The following MYOF variants were observed in gnomAD, a reference collection of about 807,000 sequenced individuals.
MYOF encodes fer-1-like 3, myoferlin.
A neutral mutation model predicts 284.2 loss-of-function variants in MYOF; 244 were observed. The ratio of observed to expected loss-of-function variants is 0.86; its 90% CI spans 0.77 to 0.95. MYOF has a LOEUF of 0.95. Among genes scored for constraint, MYOF ranks in the 40% least tolerant of loss-of-function variants. The pLI is 0.00. For missense variants in MYOF, 2,496 were observed against 2,560.6 expected, an observed-to-expected ratio of 0.97 and a Z score of 0.54; for synonymous variants, 904 against 919.7, an observed-to-expected ratio of 0.98 and a Z score of 0.31.
Position 93,325,907 on chromosome 10 carries a change from G to C in MYOF, c.5190C>G (p.His1730Gln). 1 of 1,614,122 alleles carries C rather than the reference G, an allele frequency of 6.2e-7. No homozygotes were observed. The highest frequency in any genetic ancestry group is 8.5e-7 in the Non-Finnish European group (1 of 1,180,008). The change falls in exon 46 of 54, where the codon CAC (histidine) becomes CAG (glutamine). Residue 1730 changes from histidine to glutamine, a missense_variant. Around this residue, in one of 3 missense-constraint regions of MYOF, gnomAD observed 2,436 missense variants for 2,480.7 expected, o/e 0.98. Transcript: ENST00000359263. Reference protein sequence around the residue: ...LGAPEERLALHILRTQGLVPE... With the variant: ...LGAPEERLALQILRTQGLVPE... ...GGACCAGCCCCTGAGTCCTGAGGAT[G>C]TGAAGAGCAAGCCGCTCTTCAGGGG... is the stretch of plus-strand genomic sequence containing the variant.
At chr10:93,437,091 A>G (rs968078386) in intron 3 of MYOF, among the ~76,000 whole-genome samples, 5 of 152,218 alleles carry the variant, frequency 3.3e-5, no homozygotes, top group South Asian at 4.1e-4. Context: ...TTTGTCTTTC[A>G]GCCCACGAAT....
In MYOF at chr10:93,408,784, T is replaced by C; in HGVS notation, c.729+3A>G. On this transcript the variant is annotated splice_donor_region_variant and intron_variant, in intron 7 of 53. Transcript: ENST00000359263. ...CAGAAACATGCCCTCTCAACCCCTT[T>C]ACCTCATCAAAAAAAGGGTTGTTTC... The C allele has an allele frequency of 1.2e-6, 2 of 1,614,118 alleles. No homozygotes were observed. Among genetic ancestry groups the C allele is most frequent in the Non-Finnish European group, 1.7e-6 (2 of 1,180,008 alleles).
intron 16 of MYOF, among the ~76,000 whole-genome samples, chr10:93,394,367 G>A (rs1035287754): frequency 9.0e-5 from 13 of 145,040 alleles, no homozygotes; most frequent in African/African-American, 2.2e-4. Flanking sequence ...CTCCCAAAGT[G>A]CTGGGATTAC....
intron 24 of MYOF, among the ~76,000 whole-genome samples, chr10:93,370,004 C>A (rs112697974): frequency 3.3e-5 from 5 of 152,284 alleles, no homozygotes; most frequent in African/African-American, 7.2e-5. Flanking sequence ...TCCCTGAGAC[C>A]TTTTCAGGAG....
chr10:93,387,940 C>A, intron 18 of MYOF, 27 bp from the exon 19 acceptor site: 1 of 1,541,426 alleles, frequency 6.5e-7, no homozygotes, highest in Non-Finnish European at 9.0e-7. Context: ...CAGGATTATT[C>A]CTCTAGGCAG....
intron 4 of MYOF, among the ~76,000 whole-genome samples, chr10:93,429,123 C>T (rs543102830): frequency 6.6e-6 from 1 of 152,288 alleles, no homozygotes; most frequent in Admixed American, 6.5e-5. Flanking sequence ...GGCTTGGTGC[C>T]ATTCTTGCAG....
intron 3 of MYOF, among the ~76,000 whole-genome samples, chr10:93,440,527 C>T (rs2056217236): frequency 6.6e-6 from 1 of 152,208 alleles, no homozygotes; most frequent in South Asian, 2.1e-4. Context: ...CTTCGTATCA[C>T]TTATCACCAT....
At chr10:93,410,614 C>T (rs748514141) in intron 5 of MYOF, among the ~76,000 whole-genome samples, 10 of 152,182 alleles carry the variant, frequency 6.6e-5, no homozygotes, top group African/African-American at 1.2e-4. Flanking sequence ...TACTACCTCT[C>T]CTCTTTCTTT....
chr10:93,372,620 G>A (rs1845643838), intron 24 of MYOF, among the ~76,000 whole-genome samples: 1 of 152,160 alleles, frequency 6.6e-6, no homozygotes, highest in African/African-American at 2.4e-5. Context: ...TAGAATGAAA[G>A]GAAGAAAGGC....
At chr10:93,358,391 C>T (rs958961557) in intron 29 of MYOF, among the ~76,000 whole-genome samples, 2 of 152,118 alleles carry the variant, frequency 1.3e-5, no homozygotes. Context: ...GACAGTGTGG[C>T]GATTCTTCAA....
chr10:93,316,521 A>G (rs1285686642), intron 50 of MYOF, among the ~76,000 whole-genome samples, 193 bp downstream of exon 50: 1 of 152,082 alleles, frequency 6.6e-6, no homozygotes, highest in Admixed American at 6.5e-5. Flanking sequence ...AGAGCCCTTG[A>G]AAAGGGATGG....
intron 1 of MYOF, among the ~76,000 whole-genome samples, chr10:93,459,014 C>T (rs182750060): frequency 1.1e-4 from 17 of 152,378 alleles, no homozygotes; most frequent in Non-Finnish European, 1.9e-4. Flanking sequence ...AACTTTTCCA[C>T]TTGAGAGGGC....
At chr10:93,427,462 C>T (rs1455984672) in intron 4 of MYOF, among the ~76,000 whole-genome samples, 2 of 135,774 alleles carry the variant, frequency 1.5e-5, no homozygotes, top group African/African-American at 2.8e-5. Flanking sequence ...ACTCGGGAGG[C>T]GGAGGTTGCA....
intron 48 of MYOF, 51 bp from the exon 49 acceptor site, chr10:93,320,064 T>C (rs371733460): frequency 5.0e-6 from 8 of 1,605,570 alleles, no homozygotes; most frequent in Non-Finnish European, 6.0e-6. Context: ...ACAAGTCATG[T>C]AGCCGCAAAA....
In MYOF at chr10:93,401,123, C is replaced by T. The variant is rs145210529; in HGVS notation, c.1117+295G>A. Among the ~76,000 whole-genome samples the T allele has an allele frequency of 2.9e-3, 439 of 152,198 alleles. 1 individual carries two copies. Among genetic ancestry groups the T allele is most frequent in the Middle Eastern group, 6.8e-3 (2 of 294 alleles). ...AAAGGGGTTGGAAGTGCTGACTGCT[C>T]ATATCTCTTTAGCATCCTCTAGAAT... is the stretch of plus-strand genomic sequence containing the variant. On this transcript the variant is annotated intron_variant, in intron 12 of 53. Coordinates refer to ENST00000359263, the MANE Select transcript of MYOF (RefSeq NM_013451.4).
chr10:93,416,289 G>A (rs545115501), intron 5 of MYOF, among the ~76,000 whole-genome samples: 91 of 152,230 alleles, frequency 6.0e-4, no homozygotes, highest in African/African-American at 2.1e-3. Context: ...GGCCAAGGCG[G>A]GTGGATCACC....
chr10:93,401,627 C>T (rs780538831), intron 11 of MYOF, 83 bp from the exon 12 acceptor site: 893 of 1,516,004 alleles, frequency 5.9e-4, no homozygotes, highest in Non-Finnish European at 7.4e-4. Flanking sequence ...AAAATGAAAC[C>T]ATTCAGAATC....
intron 51 of MYOF, 33 bp downstream of exon 51, chr10:93,312,987 C>A (rs141566426): frequency 1.9e-6 from 3 of 1,571,714 alleles, no homozygotes; most frequent in Non-Finnish European, 1.7e-6. Flanking sequence ...AAGGCATAAA[C>A]GATTTTCAAC....
At chr10:93,400,080 A>G (rs1327873785) in intron 12 of MYOF, among the ~76,000 whole-genome samples, 1 of 152,218 alleles carries the variant, frequency 6.6e-6, no homozygotes, top group African/African-American at 2.4e-5. Flanking sequence ...GAGGAAAAAA[A>G]ATACAACAAA....
Sources: allele counts gnomAD v4.1 joint callset (sites outside exome capture counted in the v4.1 genomes callset), GRCh38; gene constraint gnomAD v4.1.1; regional missense constraint gnomAD v4.1.1; transcripts MANE v1.5; gene names NCBI Gene and HGNC (gene_info 2026-07-23, HGNC 2026-07-21).